Variants in LGMN observed in about 807,000 individuals in gnomAD.
LGMN encodes legumain.
A neutral mutation model predicts 56.8 loss-of-function variants in LGMN; 36 were observed. The ratio of observed to expected loss-of-function variants is 0.63; its 90% confidence interval spans 0.49 to 0.84. LGMN has a LOEUF of 0.84. Among genes scored for constraint, LGMN ranks in the 40% least tolerant of loss-of-function variants. The probability of loss-of-function intolerance (pLI) is 0.00; values close to 1 mark genes in which losing one functional copy is unlikely to be tolerated. For synonymous variants in LGMN, 199 were observed against 210.1 expected (o/e 0.95, Z 0.46); for missense variants, 446 against 556.1 (o/e 0.80, Z 1.99).
intron 2 of LGMN, 134 bp downstream of exon 2, chr14:92,732,515 A>T: frequency 1.1e-6 from 1 of 941,948 alleles, no homozygotes; most frequent in Non-Finnish European, 1.6e-6. Context: ...CCTCGCTAAC[A>T]CACCTATGTT....
At chr14:92,707,040 T>C (rs935322319) in intron 11 of LGMN, among the ~76,000 whole-genome samples, 1 of 152,098 alleles carries the variant, frequency 6.6e-6, no homozygotes, top group Non-Finnish European at 1.5e-5. Flanking sequence ...AGAGGGACTT[T>C]TATTTTCTTT....
At chr14:92,742,981 C>A (rs1340526120) in intron 1 of LGMN, 2 of 151,266 alleles carry the variant, frequency 1.3e-5, no homozygotes, top group Middle Eastern at 3.2e-3. Context: ...CTATAGTGAA[C>A]CATCCGGCCT....
chr14:92,710,967 A>C (rs901426983), intron 10 of LGMN, among the ~76,000 whole-genome samples: 2 of 152,208 alleles, frequency 1.3e-5, no homozygotes, highest in Non-Finnish European at 2.9e-5. Context: ...GTTTGTGCCC[A>C]AGGAACAGAT....
At chr14:92,731,060 G>A (rs1284546561) in intron 2 of LGMN, among the ~76,000 whole-genome samples, 1 of 152,056 alleles carries the variant, frequency 6.6e-6, no homozygotes, top group African/African-American at 2.4e-5. Context: ...TTTGAAAACT[G>A]GCCCCACCAC....
chr14:92,710,483 G>A (rs902570574), intron 10 of LGMN, among the ~76,000 whole-genome samples: 1 of 152,188 alleles, frequency 6.6e-6, no homozygotes, highest in Non-Finnish European at 1.5e-5. Flanking sequence ...GCTACCAAAT[G>A]GGCACAGCGG....
chr14:92,712,697 G>C, intron 8 of LGMN, 108 bp downstream of exon 8: 2 of 999,894 alleles, frequency 2.0e-6, no homozygotes, highest in Non-Finnish European at 3.1e-6. Context: ...CTATGGCCCA[G>C]GCTGCCCTCA....
intron 2 of LGMN, among the ~76,000 whole-genome samples, chr14:92,723,188 A>G (rs2140242358): frequency 6.6e-6 from 1 of 152,152 alleles, no homozygotes; most frequent in South Asian, 2.1e-4. Context: ...CTGGGATTAC[A>G]GGTGAGCACC....
chr14:92,707,462 G>A (rs1889496819), intron 11 of LGMN, among the ~76,000 whole-genome samples: 1 of 152,124 alleles, frequency 6.6e-6, no homozygotes, highest in South Asian at 2.1e-4. Context: ...TCTTTACAAG[G>A]CTGGATTTTC....
At chr14:92,732,436 G>T in intron 2 of LGMN, 1 of 536,314 alleles carries the variant, frequency 1.9e-6, no homozygotes, top group Non-Finnish European at 3.3e-6. Context: ...TGACCAAACT[G>T]TTTTCCAAAA....
intron 1 of LGMN, among the ~76,000 whole-genome samples, chr14:92,740,908 C>T (rs1891520716): frequency 6.6e-6 from 1 of 152,094 alleles, no homozygotes; most frequent in African/African-American, 2.4e-5. Flanking sequence ...CACTTGGGGC[C>T]GGGTGCAGTG....
At chr14:92,740,170 C>T (rs1024284385) in intron 1 of LGMN, among the ~76,000 whole-genome samples, 17 of 152,194 alleles carry the variant, frequency 1.1e-4, no homozygotes, top group Non-Finnish European at 2.4e-4. Context: ...ATCACTTGAA[C>T]CCGGGAGGCA....
intron 11 of LGMN, 41 bp downstream of exon 11, chr14:92,709,630 TG>T: frequency 5.1e-6 from 8 of 1,554,180 alleles, no homozygotes; most frequent in Non-Finnish European, 7.1e-6. Context: ...CCACCTGGGC[TG>T]GGGACAGCAC....
intron 1 of LGMN, among the ~76,000 whole-genome samples, chr14:92,743,904 C>T (rs1891694028): frequency 6.6e-6 from 1 of 151,916 alleles, no homozygotes; most frequent in African/African-American, 2.4e-5. Flanking sequence ...GCCTGTAATC[C>T]CAGCACTTGG....
At chr14:92,732,884 C>G in intron 1 of LGMN, 69 bp from the exon 2 acceptor site, 1 of 1,272,070 alleles carries the variant, frequency 7.9e-7, no homozygotes, top group Non-Finnish European at 1.1e-6. Context: ...GGCGCGGTGG[C>G]TCACACCTGT....
rs10150315 is a variant in LGMN at position 92,714,652 on chromosome 14, T to C, written c.405-201A>G. The stretch of plus-strand genomic sequence containing the variant: ...CTTGGTGTGATTCTGAACCACAGTA[T>C]AGATCCTAGAGCCTCCAAATTCTGA... On this transcript the variant is annotated intron_variant, in intron 5 of 13. Transcript: ENST00000334869. This position sits in a 1 kb window ranked among gnomAD's most constrained non-coding sequence, Gnocchi z 5.1. Among the ~76,000 whole-genome samples the C allele has an allele frequency of 6.3e-3, 959 of 152,280 alleles. 12 individuals are homozygous for C. Among genetic ancestry groups the C allele is most frequent in the African/African-American group, 0.022 (919 of 41,566 alleles).
At chr14:92,730,522 G>A (rs575980364) in intron 2 of LGMN, among the ~76,000 whole-genome samples, 1 of 152,238 alleles carries the variant, frequency 6.6e-6, no homozygotes, top group East Asian at 1.9e-4. Context: ...AAATTCCTGG[G>A]CTCAAGCAAT....
At chr14:92,728,849 C>A (rs148277530) in intron 2 of LGMN, among the ~76,000 whole-genome samples, 1 of 152,126 alleles carries the variant, frequency 6.6e-6, no homozygotes, top group Non-Finnish European at 1.5e-5. Flanking sequence ...GCCCCACCCC[C>A]ACATCTTACA....
At chr14:92,733,358 T>C (rs1323453040) in intron 1 of LGMN, among the ~76,000 whole-genome samples, 1 of 152,150 alleles carries the variant, frequency 6.6e-6, no homozygotes, top group Non-Finnish European at 1.5e-5. Context: ...AAGTCATGCA[T>C]ATAAAATAAA....
intron 1 of LGMN, among the ~76,000 whole-genome samples, chr14:92,733,358 TATAAA>T (rs751842139): frequency 6.6e-6 from 1 of 152,150 alleles, no homozygotes; most frequent in Non-Finnish European, 1.5e-5. Flanking sequence ...AAGTCATGCA[TATAAA>T]ATAAAAGAAT....
Sources: allele counts gnomAD v4.1 joint callset (sites outside exome capture counted in the v4.1 genomes callset), GRCh38; gene constraint gnomAD v4.1.1; non-coding constraint Gnocchi (gnomAD v3.1); transcripts MANE v1.5; gene names NCBI Gene and HGNC (gene_info 2026-07-23, HGNC 2026-07-21).